UNC5C: variants seen among roughly 807,000 people sequenced by gnomAD.
UNC5C encodes netrin receptor UNC5C.
A neutral mutation model predicts 99.8 loss-of-function variants in UNC5C; 47 were observed. The observed-to-expected ratio is 0.47, with a 90% CI of 0.37 to 0.60. The LOEUF (loss-of-function observed/expected upper bound fraction) is 0.60. Among genes scored for constraint, UNC5C ranks in the 20% least tolerant of loss-of-function variants. The pLI is 0.00. For synonymous variants in UNC5C, 487 were observed against 452.2 expected, an observed-to-expected ratio of 1.08 and a Z score of -0.98; for missense variants, 1,062 against 1,165.9, an observed-to-expected ratio of 0.91 and a Z score of 1.30.
At chr4:95,514,111 C>T (rs987356374) in intron 1 of UNC5C, among the ~76,000 whole-genome samples, 1 of 152,104 alleles carries the variant, frequency 6.6e-6, no homozygotes, top group Non-Finnish European at 1.5e-5. Flanking sequence ...GTAACATTTT[C>T]CTCATTTTTC....
At chr4:95,419,418 T>C (rs1474303193) in intron 1 of UNC5C, among the ~76,000 whole-genome samples, 1 of 152,238 alleles carries the variant, frequency 6.6e-6, no homozygotes, top group Non-Finnish European at 1.5e-5. Flanking sequence ...ATTTACTTTC[T>C]GTTAAACCAT....
At chr4:95,398,684 C>T (rs1745597217) in intron 1 of UNC5C, among the ~76,000 whole-genome samples, 1 of 152,106 alleles carries the variant, frequency 6.6e-6, no homozygotes, top group Non-Finnish European at 1.5e-5. Context: ...GACAATAGGG[C>T]ATTGATTCTC....
At chr4:95,430,767 A>C (rs1746613866) in intron 1 of UNC5C, among the ~76,000 whole-genome samples, 1 of 152,124 alleles carries the variant, frequency 6.6e-6, no homozygotes, top group South Asian at 2.1e-4. Context: ...ATTACATTGA[A>C]AGCAGCTTTC....
Position 95,190,611 on chromosome 4 carries a change from C to T in UNC5C, c.2137-5415G>A, listed in dbSNP as rs961336519. ...GGGATTACAGGCATGAGCCACTGCG[C>T]CCAGCCCCCCTTGTACAGTTCTATC... is the stretch of plus-strand genomic sequence containing the variant. On this transcript the variant is annotated intron_variant, in intron 12 of 15. Coordinates refer to ENST00000453304, the MANE Select transcript of UNC5C (RefSeq NM_003728.4). Among the ~76,000 whole-genome samples, 48 of 152,160 alleles carry T rather than the reference C, an allele frequency of 3.2e-4. 1 individual carries two copies. Among genetic ancestry groups the T allele is most frequent in the African/African-American group, 1.2e-3 (48 of 41,436 alleles).
At chr4:95,332,661 G>T (rs1308373715) in intron 2 of UNC5C, among the ~76,000 whole-genome samples, 1 of 150,010 alleles carries the variant, frequency 6.7e-6, no homozygotes, top group Non-Finnish European at 1.5e-5. Context: ...ATAGGCATGG[G>T]CAAGGACTTC....
intron 1 of UNC5C, among the ~76,000 whole-genome samples, chr4:95,515,922 C>T (rs1272339150): frequency 6.6e-6 from 1 of 152,102 alleles, no homozygotes; most frequent in Non-Finnish European, 1.5e-5. Flanking sequence ...CAAACAATCC[C>T]TAATGATGTG....
chr4:95,265,130 C>T (rs2149388305), intron 4 of UNC5C, among the ~76,000 whole-genome samples: 1 of 152,240 alleles, frequency 6.6e-6, no homozygotes, highest in East Asian at 1.9e-4. Context: ...CCTCAATGTG[C>T]AGCCAGGTTT....
intron 1 of UNC5C, among the ~76,000 whole-genome samples, chr4:95,418,767 T>G (rs993948188): frequency 1.3e-5 from 2 of 152,188 alleles, no homozygotes; most frequent in Non-Finnish European, 2.9e-5. Flanking sequence ...ATATCCAACT[T>G]TCTTTAGAAA....
intron 2 of UNC5C, among the ~76,000 whole-genome samples, chr4:95,333,940 G>A (rs1316159538): frequency 1.3e-5 from 2 of 152,110 alleles, no homozygotes; most frequent in East Asian, 3.9e-4. Flanking sequence ...ATCTGGTGGA[G>A]TTATTTTCTG....
intron 13 of UNC5C, among the ~76,000 whole-genome samples, chr4:95,184,071 C>T (rs1056571389): frequency 7.9e-5 from 12 of 152,126 alleles, no homozygotes; most frequent in African/African-American, 2.7e-4. Flanking sequence ...TATTTTATGA[C>T]AACTGCAACA....
chr4:95,330,160 A>C (rs535800339), intron 2 of UNC5C, among the ~76,000 whole-genome samples: 3 of 152,096 alleles, frequency 2.0e-5, no homozygotes, highest in African/African-American at 7.2e-5. Flanking sequence ...TCTCTATTTT[A>C]ATCTATTAAT....
At chr4:95,536,042 C>T (rs16996474) in intron 1 of UNC5C, among the ~76,000 whole-genome samples, 4,961 of 149,184 alleles carry the variant, frequency 0.033, 194 homozygotes, top group East Asian at 0.098. Context: ...AATGTGTTGG[C>T]AGTCCATATA....
chr4:95,402,261 C>T (rs1745721951), intron 1 of UNC5C, among the ~76,000 whole-genome samples: 1 of 152,126 alleles, frequency 6.6e-6, no homozygotes, highest in South Asian at 2.1e-4. Context: ...GGCTGCTACC[C>T]TATTTATCAT....
chr4:95,239,220 T>C (rs1360510232), intron 7 of UNC5C, among the ~76,000 whole-genome samples: 3 of 152,232 alleles, frequency 2.0e-5, no homozygotes, highest in African/African-American at 7.2e-5. Flanking sequence ...TCCTAGAAGC[T>C]TAATTATACA....
chr4:95,513,627 GTATTGCTGAATATA>G (rs1323152629), intron 1 of UNC5C, among the ~76,000 whole-genome samples: 3 of 152,024 alleles, frequency 2.0e-5, no homozygotes, highest in Non-Finnish European at 4.4e-5. Flanking sequence ...TATTTTATTT[GTATTGCTGAATATA>G]TAGACATACA....
At chr4:95,197,332 T>G in intron 12 of UNC5C, among the ~76,000 whole-genome samples, 1 of 151,920 alleles carries the variant, frequency 6.6e-6, no homozygotes, top group East Asian at 1.9e-4. Context: ...GTCCAGCATT[T>G]CTGTGGATTT....
intron 1 of UNC5C, among the ~76,000 whole-genome samples, chr4:95,484,717 G>A (rs748830100): frequency 4.0e-5 from 6 of 151,822 alleles, no homozygotes; most frequent in Non-Finnish European, 8.8e-5. Flanking sequence ...AGCCACTGAG[G>A]TTTGGAGAGT....
At chr4:95,213,643 A>C (rs1260411542) in intron 10 of UNC5C, among the ~76,000 whole-genome samples, 2 of 152,226 alleles carry the variant, frequency 1.3e-5, no homozygotes, top group African/African-American at 4.8e-5. Flanking sequence ...GACCAGCTGG[A>C]TACCATCCAG....
At chr4:95,456,490 A>G (rs1747431147) in intron 1 of UNC5C, among the ~76,000 whole-genome samples, 4 of 152,102 alleles carry the variant, frequency 2.6e-5, no homozygotes, top group Admixed American at 2.6e-4. Flanking sequence ...CTGGAGTGCA[A>G]GAGATTAATT....
Sources: allele counts gnomAD v4.1 joint callset (sites outside exome capture counted in the v4.1 genomes callset), GRCh38; gene constraint gnomAD v4.1.1; transcripts MANE v1.5; gene names NCBI Gene and HGNC (gene_info 2026-07-23, HGNC 2026-07-21).